The following SLC35F1 variants were observed in gnomAD, a reference collection of about 807,000 sequenced individuals.
SLC35F1 encodes chromosome 6 open reading frame 169.
Under a neutral mutation model 48.7 loss-of-function variants are expected in SLC35F1, and 14 were observed. That is an observed-to-expected ratio of 0.29 (90% confidence interval 0.19 to 0.45). The LOEUF is 0.45. Ranked by LOEUF, SLC35F1 falls within the 20% of genes least tolerant of loss-of-function variation. The probability of loss-of-function intolerance (pLI) is 1.00; values close to 1 mark genes in which losing one functional copy is unlikely to be tolerated. For missense variants in SLC35F1, 404 were observed against 500.0 expected, an observed-to-expected ratio of 0.81 and a Z score of 1.83; for synonymous variants, 190 against 202.2, an observed-to-expected ratio of 0.94 and a Z score of 0.51.
Position 118,311,649 on chromosome 6 carries a change from C to T in SLC35F1, c.1003-2379C>T, listed in dbSNP as rs538567331. 7.9e-5 allele frequency among the ~76,000 whole-genome samples: 12 copies of T among 152,162 alleles called. No homozygotes were observed. The South Asian group carries it at 8.3e-4, about 11-fold the overall frequency. ...CTACAAAAAATACAAAAATTAGCCA[C>T]GCATGGTGGCAGGCGCCTGTAGTTC... On this transcript the variant is annotated intron_variant, in intron 7 of 7. Transcript: ENST00000360388.
At chr6:118,087,685 A>G (rs1318054445) in intron 1 of SLC35F1, among the ~76,000 whole-genome samples, 1 of 152,166 alleles carries the variant, frequency 6.6e-6, no homozygotes, top group Non-Finnish European at 1.5e-5. Context: ...TCTTTGCCCA[A>G]CAACTTCTAT....
chr6:118,047,419 G>A (rs1272285318), intron 1 of SLC35F1, among the ~76,000 whole-genome samples: 1 of 152,128 alleles, frequency 6.6e-6, no homozygotes, highest in Non-Finnish European at 1.5e-5. Context: ...AGTGTTTCTA[G>A]GGTATTAGGT....
chr6:118,023,261 A>G (rs1263600074), intron 1 of SLC35F1, among the ~76,000 whole-genome samples: 3 of 152,186 alleles, frequency 2.0e-5, no homozygotes, highest in Non-Finnish European at 4.4e-5. Flanking sequence ...CTGGACACAA[A>G]TGCAAAACGA....
At chr6:118,241,959 T>C (rs747450534) in intron 3 of SLC35F1, among the ~76,000 whole-genome samples, 72 of 152,240 alleles carry the variant, frequency 4.7e-4, no homozygotes, top group Non-Finnish European at 1.5e-4. Flanking sequence ...CAGAATTTGT[T>C]TAACTATTTA....
At chr6:117,970,395 T>C (rs9374692) in intron 1 of SLC35F1, among the ~76,000 whole-genome samples, 57,396 of 152,084 alleles carry the variant, frequency 0.38, 11,299 homozygotes, top group South Asian at 0.52. Context: ...CCTTATAGCA[T>C]TCTAGAATAT....
chr6:118,256,205 G>GGT (rs71554895), intron 3 of SLC35F1, among the ~76,000 whole-genome samples: 6,983 of 142,858 alleles, frequency 0.049, 185 homozygotes, highest in African/African-American at 0.073. Flanking sequence ...GAAGACTTCT[G>GGT]GTGTGTGTGT....
chr6:117,920,467 T>G (rs1045714185), intron 1 of SLC35F1, among the ~76,000 whole-genome samples: 2 of 152,196 alleles, frequency 1.3e-5, no homozygotes, highest in African/African-American at 4.8e-5. Flanking sequence ...GCAAGTCAGT[T>G]TTTAACTACT....
chr6:118,133,411 T>A (rs1462932405), intron 1 of SLC35F1, among the ~76,000 whole-genome samples: 1 of 152,172 alleles, frequency 6.6e-6, no homozygotes, highest in East Asian at 1.9e-4. Flanking sequence ...TTCTTCCCAC[T>A]AACACTAGTT....
chr6:117,916,497 C>T, intron 1 of SLC35F1, among the ~76,000 whole-genome samples: 1 of 152,132 alleles, frequency 6.6e-6, no homozygotes, highest in Non-Finnish European at 1.5e-5. Context: ...TGGTACTAGT[C>T]ATGACCCTGA....
chr6:118,055,714 T>C (rs932646273), intron 1 of SLC35F1, among the ~76,000 whole-genome samples: 4 of 152,104 alleles, frequency 2.6e-5, no homozygotes, highest in Non-Finnish European at 4.4e-5. Flanking sequence ...CAAAGCTGAC[T>C]CCAGAACTGC....
At chr6:118,210,945 A>G (rs1774993573) in intron 2 of SLC35F1, among the ~76,000 whole-genome samples, 1 of 152,208 alleles carries the variant, frequency 6.6e-6, no homozygotes, top group Admixed American at 6.5e-5. Flanking sequence ...ATGTGACTGT[A>G]TTTGAAGACA....
At chr6:117,966,949 C>G (rs1215675996) in intron 1 of SLC35F1, among the ~76,000 whole-genome samples, 1 of 152,150 alleles carries the variant, frequency 6.6e-6, no homozygotes, top group Non-Finnish European at 1.5e-5. Context: ...TTCCTGGCCC[C>G]AAGTGTCACT....
At chr6:118,097,550 T>TCCATCTAA (rs1425251759) in intron 1 of SLC35F1, among the ~76,000 whole-genome samples, 3 of 152,218 alleles carry the variant, frequency 2.0e-5, no homozygotes, top group Non-Finnish European at 4.4e-5. Flanking sequence ...GAAACCATTT[T>TCCATCTAA]GGTCTAAATG....
intron 3 of SLC35F1, among the ~76,000 whole-genome samples, chr6:118,259,173 A>G (rs1775682054): frequency 6.6e-6 from 1 of 151,914 alleles, no homozygotes; most frequent in African/African-American, 2.4e-5. Context: ...CACATAACAA[A>G]TTTAAAACAA....
intron 1 of SLC35F1, among the ~76,000 whole-genome samples, chr6:118,145,315 G>A: frequency 6.6e-6 from 1 of 152,092 alleles, no homozygotes; most frequent in East Asian, 1.9e-4. Flanking sequence ...TACCAGAAGG[G>A]GCTTTTCCTA....
intron 1 of SLC35F1, among the ~76,000 whole-genome samples, chr6:117,937,088 A>G (rs1399635153): frequency 6.6e-6 from 1 of 152,208 alleles, no homozygotes; most frequent in Non-Finnish European, 1.5e-5. Context: ...AGTGATTGTC[A>G]TTCTCATTTT....
chr6:117,942,898 G>T (rs1776249617), intron 1 of SLC35F1, among the ~76,000 whole-genome samples: 1 of 152,128 alleles, frequency 6.6e-6, no homozygotes, highest in Non-Finnish European at 1.5e-5. Context: ...GTTTAGAAAT[G>T]AATTAACAGC....
intron 1 of SLC35F1, among the ~76,000 whole-genome samples, chr6:117,997,362 C>G (rs965847743): frequency 1.3e-5 from 2 of 151,104 alleles, no homozygotes; most frequent in African/African-American, 4.8e-5. Context: ...AGGATATTAT[C>G]CAGGAGAACT....
chr6:118,201,783 C>G (rs1335035948), intron 2 of SLC35F1, among the ~76,000 whole-genome samples: 1 of 152,170 alleles, frequency 6.6e-6, no homozygotes, highest in Non-Finnish European at 1.5e-5. Context: ...TTCCCCATTT[C>G]AAGGCCACTC....
Sources: gnomAD v4.1 joint callset for allele counts (sites outside exome capture counted in the v4.1 genomes callset) on GRCh38, gnomAD v4.1.1 for gene constraint, MANE v1.5 for transcripts, NCBI Gene and HGNC (gene_info 2026-07-23, HGNC 2026-07-21) for gene names.